Variants in ACTR1A observed in about 807,000 individuals in gnomAD.
ACTR1A encodes actin related protein 1A.
Under a neutral mutation model 50.7 loss-of-function variants are expected in ACTR1A, and 10 were observed. The ratio of observed to expected loss-of-function variants is 0.20; its 90% CI spans 0.12 to 0.33. The LOEUF is 0.33. ACTR1A is among the 10% of genes least tolerant of loss of function. The pLI, the probability that ACTR1A is intolerant of heterozygous loss-of-function variation, is 1.00. For missense variants in ACTR1A, 253 were observed against 491.7 expected (o/e 0.51, Z 4.59); for synonymous variants, 177 against 184.2 (o/e 0.96, Z 0.32).
Position 102,479,596 on chromosome 10 carries a change from A to C in ACTR1A, c.*1267T>G, listed in dbSNP as rs1450899135. 9.3e-6 allele frequency: 12 copies of C among 1,288,936 alleles called. No homozygotes were observed. Among genetic ancestry groups the C allele is most frequent in the Non-Finnish European group, 1.2e-5 (12 of 988,644 alleles). 79.8% of individuals were successfully genotyped at this position (1,288,936 alleles called of 1,614,324 possible). A position where few individuals can be genotyped will look rare whatever the true frequency, so the allele number is the denominator to read the frequency against. On this transcript the variant is annotated 3_prime_UTR_variant, in exon 11 of 11. Coordinates refer to ENST00000369905, the MANE Select transcript of ACTR1A (RefSeq NM_005736.4). The surrounding 1 kb of genome is among the most constrained non-coding windows in gnomAD (Gnocchi z 4.0). ...AGGCCTGGCTCCATTAGCTCCTGGC[A>C]CTCTGGTCTGGCCCACTCCCTCCTT...
intron 1 of ACTR1A, among the ~76,000 whole-genome samples, chr10:102,492,064 C>T (rs1051619361): frequency 2.5e-5 from 3 of 118,566 alleles, no homozygotes; most frequent in African/African-American, 1.0e-4. Context: ...CCCACCGTGC[C>T]CGGCCTTTTT....
At chr10:102,496,631 C>T (rs554110983) in intron 1 of ACTR1A, among the ~76,000 whole-genome samples, 61 of 152,290 alleles carry the variant, frequency 4.0e-4, no homozygotes, top group Middle Eastern at 3.4e-3. Context: ...GCTGTACAAC[C>T]AACAGCCTGA....
At chr10:102,496,531 C>A (rs1230376088) in intron 1 of ACTR1A, among the ~76,000 whole-genome samples, 1 of 152,190 alleles carries the variant, frequency 6.6e-6, no homozygotes, top group African/African-American at 2.4e-5. Flanking sequence ...CCTTGGCTTG[C>A]AAAATATACA....
At chr10:102,481,000 G>A in intron 10 of ACTR1A, 35 bp from the exon 11 acceptor site, 1 of 1,591,294 alleles carries the variant, frequency 6.3e-7, no homozygotes, top group Non-Finnish European at 8.6e-7. Context: ...CTGTGTGAGA[G>A]AGAAGTGGCT....
intron 1 of ACTR1A, among the ~76,000 whole-genome samples, chr10:102,501,938 T>C (rs2062254184): frequency 6.6e-6 from 1 of 152,224 alleles, no homozygotes; most frequent in African/African-American, 2.4e-5. Flanking sequence ...TTGTAATTTA[T>C]AATCACAGTA....
chr10:102,482,603 A>G lies in ACTR1A; in HGVS notation c.750+408T>C. The stretch of plus-strand genomic sequence containing the variant: ...CCTCCCCTCTAGCGGGAGGGAGCAA[A>G]GTTCTGGCTGCCTCCTCTGCAGGAG... On this transcript the variant is annotated intron_variant, in intron 7 of 10. Coordinates refer to ENST00000369905, the MANE Select transcript of ACTR1A (RefSeq NM_005736.4). The surrounding 1 kb of genome is among the most constrained non-coding windows in gnomAD (Gnocchi z 5.6). The G allele has an allele frequency of 3.8e-6, 1 of 265,924 alleles. No homozygotes were observed. The highest frequency in any genetic ancestry group is 7.2e-6 in the Non-Finnish European group (1 of 138,246). The allele number at this position is 265,924 out of a possible 1,614,324, so 16.5% of individuals were successfully genotyped here.
rs2062151081 is a variant in ACTR1A at position 102,482,972 on chromosome 10, G to A, written c.750+39C>T. Reference sequence around the variant, plus strand: ...TTCTGGTTGGGCCCAGAGCTTTTGTGGACCTAAGGGGACCGAAGAAAGAAG... The same window carrying A: ...TTCTGGTTGGGCCCAGAGCTTTTGTAGACCTAAGGGGACCGAAGAAAGAAG... On this transcript the variant is annotated intron_variant, in intron 7 of 10. Transcript: ENST00000369905. This position sits in a 1 kb window ranked among gnomAD's most constrained non-coding sequence, Gnocchi z 5.6. 3 of 1,516,790 alleles carry A rather than the reference G, an allele frequency of 2.0e-6. No homozygotes were observed. Among genetic ancestry groups the A allele is most frequent in the Non-Finnish European group, 2.7e-6 (3 of 1,091,934 alleles). 94.0% of individuals were successfully genotyped at this position (1,516,790 alleles called of 1,614,324 possible).
In ACTR1A at chr10:102,482,203, G is replaced by A. The variant is rs752838724; in HGVS notation, c.751-28C>T. The A allele has an allele frequency of 2.5e-6, 4 of 1,605,526 alleles. No homozygotes were observed. Among genetic ancestry groups the A allele is most frequent in the Non-Finnish European group, 3.4e-6 (4 of 1,179,300 alleles). On this transcript the variant is annotated intron_variant, in intron 7 of 10. Coordinates refer to ENST00000369905, the MANE Select transcript of ACTR1A (RefSeq NM_005736.4). The surrounding 1 kb of genome is among the most constrained non-coding windows in gnomAD (Gnocchi z 5.6). ...GCAGGTAGGAGGGCCAGCTGAAGAG[G>A]TCGGAGCTGGGACCAAGGTCCCTTT...
intron 6 of ACTR1A, 67 bp downstream of exon 6, chr10:102,484,093 C>T: frequency 6.6e-7 from 1 of 1,515,310 alleles, no homozygotes; most frequent in African/African-American, 1.4e-5. Context: ...ACTGGCAGGT[C>T]ACCAAGGTCC....
intron 1 of ACTR1A, among the ~76,000 whole-genome samples, chr10:102,498,360 C>T (rs1396820129): frequency 6.6e-6 from 1 of 150,550 alleles, no homozygotes; most frequent in African/African-American, 2.4e-5. Flanking sequence ...AGCAGCACAA[C>T]ATCCAAAGCA....
chr10:102,502,393 C>A (rs1423932834), intron 1 of ACTR1A, among the ~76,000 whole-genome samples: 2 of 152,266 alleles, frequency 1.3e-5, no homozygotes, highest in Non-Finnish European at 2.9e-5. Flanking sequence ...CCTTTATCCA[C>A]TCCAGAGTTC....
At chr10:102,481,215 C>T in intron 9 of ACTR1A, 43 bp from the exon 10 acceptor site, 1 of 1,541,574 alleles carries the variant, frequency 6.5e-7, no homozygotes, top group East Asian at 2.3e-5. Context: ...TTCCAGCCCT[C>T]CCGCTCCCTT....
At chr10:102,500,430 G>A (rs1564652296) in intron 1 of ACTR1A, among the ~76,000 whole-genome samples, 2 of 152,150 alleles carry the variant, frequency 1.3e-5, no homozygotes, top group Admixed American at 1.3e-4. Context: ...TTAGCCGGGC[G>A]AGGTGACGGG....
At chr10:102,486,934 G>A (rs12771867) in intron 4 of ACTR1A, among the ~76,000 whole-genome samples, 75,936 of 150,180 alleles carry the variant, frequency 0.51, 19,501 homozygotes, top group Middle Eastern at 0.62. Flanking sequence ...CTACAGGCAC[G>A]CACCACTGTA....
chr10:102,487,649 T>G (rs76031889), intron 4 of ACTR1A, among the ~76,000 whole-genome samples: 125 of 116,900 alleles, frequency 1.1e-3, no homozygotes, highest in Non-Finnish European at 1.9e-3. Context: ...TTTTTTTTTT[T>G]GGGACGGAGT....
chr10:102,490,787 G>A (rs1194579739), intron 1 of ACTR1A, among the ~76,000 whole-genome samples, 174 bp from the exon 2 acceptor site: 2 of 152,178 alleles, frequency 1.3e-5, no homozygotes, highest in African/African-American at 2.4e-5. Flanking sequence ...GAGGTCAGGA[G>A]TTTGAGACCA....
chr10:102,495,459 C>T (rs1459889756), intron 1 of ACTR1A, among the ~76,000 whole-genome samples: 1 of 151,750 alleles, frequency 6.6e-6, no homozygotes, highest in African/African-American at 2.4e-5. Context: ...GTCCCAGCTA[C>T]TCTGGAGGCT....
intron 1 of ACTR1A, among the ~76,000 whole-genome samples, chr10:102,492,213 G>A (rs915565639): frequency 2.6e-5 from 4 of 151,510 alleles, no homozygotes; most frequent in Non-Finnish European, 5.9e-5. Context: ...TGGGATTACA[G>A]GCGCGCACCA....
chr10:102,484,894 G>C (rs894153907), intron 5 of ACTR1A, among the ~76,000 whole-genome samples: 9 of 152,204 alleles, frequency 5.9e-5, no homozygotes, highest in Non-Finnish European at 1.0e-4. Context: ...GAGGCCAACA[G>C]AGCATGGACA....
Sources: allele counts gnomAD v4.1 joint callset (sites outside exome capture counted in the v4.1 genomes callset), GRCh38; gene constraint gnomAD v4.1.1; non-coding constraint Gnocchi (gnomAD v3.1); transcripts MANE v1.5; gene names NCBI Gene and HGNC (gene_info 2026-07-23, HGNC 2026-07-21).